TLN2: variants seen among roughly 807,000 people sequenced by gnomAD.
TLN2 encodes talin-2.
A neutral mutation model predicts 294.7 loss-of-function variants in TLN2; 118 were observed. The observed-to-expected ratio is 0.40, with a 90% CI of 0.34 to 0.47. TLN2 has a LOEUF of 0.47. TLN2 is among the 20% of genes least tolerant of loss of function. The probability of loss-of-function intolerance (pLI) is 0.84; values close to 1 mark genes in which losing one functional copy is unlikely to be tolerated. For synonymous variants in TLN2, 1,431 were observed against 1,304.5 expected (o/e 1.10, Z -2.09); for missense variants, 3,083 against 3,282.2 (o/e 0.94, Z 1.48).
chr15:62,436,312 A>T (rs1048180755), intron 1 of TLN2, among the ~76,000 whole-genome samples: 1 of 152,302 alleles, frequency 6.6e-6, no homozygotes, highest in South Asian at 2.1e-4. Context: ...CCAGGCTTCC[A>T]CTTAGGTGGA....
At position 62,840,766 on chromosome 15, in the gene TLN2, G is replaced by A. The variant is rs915011356; in HGVS notation, c.*156G>A. 7.6e-5 allele frequency: 79 copies of A among 1,037,434 alleles called. No homozygotes were observed. Among genetic ancestry groups the A allele is most frequent in the African/African-American group, 2.4e-4 (15 of 61,822 alleles). The allele number at this position is 1,037,434 out of a possible 1,614,324, so 64.3% of individuals were successfully genotyped here. On this transcript the variant is annotated 3_prime_UTR_variant, in exon 59 of 59. Transcript: ENST00000636159. ...CTTGTTCTCACATCTCTGTCCCGTC[G>A]GCACTGGCTGCATGATCGTGATGTC...
At chr15:62,668,690 C>T (rs887800032) in intron 9 of TLN2, among the ~76,000 whole-genome samples, 2 of 152,140 alleles carry the variant, frequency 1.3e-5, no homozygotes, top group African/African-American at 4.8e-5. Context: ...AACTTAGCAT[C>T]GCTGAGCCTC....
At chr15:62,722,222 G>A (rs2060191159) in intron 25 of TLN2, 131 bp from the exon 26 acceptor site, 1 of 1,036,782 alleles carries the variant, frequency 9.6e-7, no homozygotes, top group African/African-American at 1.6e-5. Flanking sequence ...AATAGGGGAT[G>A]AGTTGTTTAA....
chr15:62,691,057 AG>A (rs1250656905), intron 12 of TLN2, among the ~76,000 whole-genome samples: 2 of 2,552 alleles, frequency 7.8e-4, no homozygotes, highest in Non-Finnish European at 1.7e-3. Flanking sequence ...GGGGAGGGGG[AG>A]GGGAGGGGGA....
At chr15:62,681,726 A>C (rs986365096) in intron 11 of TLN2, among the ~76,000 whole-genome samples, 1 of 152,224 alleles carries the variant, frequency 6.6e-6, no homozygotes, top group Non-Finnish European at 1.5e-5. Context: ...AATGACGAGT[A>C]AGCGAGCTAA....
At chr15:62,751,741 A>G (rs1293127710) in intron 34 of TLN2, among the ~76,000 whole-genome samples, 1 of 152,144 alleles carries the variant, frequency 6.6e-6, no homozygotes, top group Admixed American at 6.5e-5. Context: ...ATGCATGACC[A>G]CTCTGGGTTG....
At chr15:62,520,940 G>A (rs953001996) in intron 1 of TLN2, among the ~76,000 whole-genome samples, 2 of 152,198 alleles carry the variant, frequency 1.3e-5, no homozygotes, top group African/African-American at 4.8e-5. Flanking sequence ...TTGCCAGGGT[G>A]AATGGTTAAA....
At chr15:62,752,197 T>C (rs1259186263) in intron 34 of TLN2, 108 bp from the exon 35 acceptor site, 14 of 1,397,174 alleles carry the variant, frequency 1.0e-5, no homozygotes, top group Non-Finnish European at 1.3e-5. Context: ...AAATGTCAAA[T>C]GTTCCAAATT....
At position 62,694,214 on chromosome 15, in the gene TLN2, T is replaced by C. The variant is rs543583757; in HGVS notation, c.1216-102T>C. 5.2e-6 allele frequency: 5 copies of C among 961,888 alleles called. No homozygotes were observed. The Admixed American group carries it at 9.5e-5, about 18-fold the overall frequency. The allele number at this position is 961,888 out of a possible 1,614,324, so 59.6% of individuals were successfully genotyped here. On this transcript the variant is annotated intron_variant, in intron 13 of 58. Coordinates refer to ENST00000636159, the MANE Select transcript of TLN2 (RefSeq NM_015059.3). ...TTTGTCTCGAACTCCTGACCTCAAG[T>C]GATCCGCCCGTCTCAGCCTCCCAAA... is the stretch of plus-strand genomic sequence containing the variant.
intron 28 of TLN2, among the ~76,000 whole-genome samples, chr15:62,732,392 G>A (rs1486561996): frequency 6.6e-6 from 1 of 152,212 alleles, no homozygotes; most frequent in Non-Finnish European, 1.5e-5. Context: ...ATGCCTTAAA[G>A]ATGAGAGAAG....
chr15:62,792,829 T>C (rs1240713836), intron 46 of TLN2, 42 bp downstream of exon 46: 1 of 1,607,600 alleles, frequency 6.2e-7, no homozygotes, highest in East Asian at 2.2e-5. Flanking sequence ...GAACCTGCGC[T>C]GGCTCTCAGT....
chr15:62,590,396 T>A (rs2045988108), intron 2 of TLN2, among the ~76,000 whole-genome samples: 1 of 152,180 alleles, frequency 6.6e-6, no homozygotes, highest in Non-Finnish European at 1.5e-5. Context: ...TAGCTCACAT[T>A]TATAAGTGAG....
At chr15:62,742,820 C>G (rs911478155) in intron 32 of TLN2, among the ~76,000 whole-genome samples, 1 of 152,180 alleles carries the variant, frequency 6.6e-6, no homozygotes, top group Non-Finnish European at 1.5e-5. Flanking sequence ...TGGCAAGCTT[C>G]TGCTCCCTGG....
chr15:62,739,723 G>A (rs1200847576), intron 31 of TLN2, among the ~76,000 whole-genome samples, 178 bp downstream of exon 31: 6 of 152,212 alleles, frequency 3.9e-5, no homozygotes, highest in Non-Finnish European at 8.8e-5. Context: ...TCCCAAAGAT[G>A]CTATCAGCTT....
chr15:62,776,130 A>G (rs948012460), intron 42 of TLN2, among the ~76,000 whole-genome samples: 8 of 152,090 alleles, frequency 5.3e-5, no homozygotes, highest in Admixed American at 3.3e-4. Context: ...TCATTCATTC[A>G]TTCACTTAGC....
chr15:62,517,560 A>C (rs531331010), intron 1 of TLN2, among the ~76,000 whole-genome samples: 1 of 152,314 alleles, frequency 6.6e-6, no homozygotes, highest in South Asian at 2.1e-4. Context: ...TAATTATTCC[A>C]CACCCCCAAT....
chr15:62,529,921 A>G (rs186553245), intron 1 of TLN2, among the ~76,000 whole-genome samples: 251 of 152,264 alleles, frequency 1.6e-3, no homozygotes, highest in Non-Finnish European at 3.2e-3. Flanking sequence ...CCAGGCACCA[A>G]TGGCTCATGC....
chr15:62,790,935 C>A (rs1023113753), intron 45 of TLN2, among the ~76,000 whole-genome samples: 4 of 152,178 alleles, frequency 2.6e-5, no homozygotes, highest in African/African-American at 4.8e-5. Context: ...CTGTTGTATT[C>A]TGCATGGAGG....
chr15:62,424,979 G>T (rs1389331993), intron 1 of TLN2, among the ~76,000 whole-genome samples: 1 of 136,164 alleles, frequency 7.3e-6, no homozygotes, highest in African/African-American at 2.8e-5. Flanking sequence ...TTAAGAGATA[G>T]TCTTGCTTTG....
Sources: allele counts gnomAD v4.1 joint callset (sites outside exome capture counted in the v4.1 genomes callset), GRCh38; gene constraint gnomAD v4.1.1; transcripts MANE v1.5; gene names NCBI Gene and HGNC (gene_info 2026-07-23, HGNC 2026-07-21).